The following CSMD1 variants were observed in gnomAD, a reference collection of about 807,000 sequenced individuals.
CSMD1 encodes the protein CUB and sushi domain-containing protein 1.
Under a neutral mutation model 417.5 loss-of-function variants are expected in CSMD1, and 213 were observed. The observed-to-expected ratio is 0.51, with a 90% CI of 0.46 to 0.57. The LOEUF is 0.57. Among genes scored for constraint, CSMD1 ranks in the 20% least tolerant of loss-of-function variants. The pLI, the probability that CSMD1 is intolerant of heterozygous loss-of-function variation, is 0.00. For missense variants in CSMD1, 6,923 were observed against 4,529.7 expected, an observed-to-expected ratio of 1.53 and a Z score of -15.17; for synonymous variants, 2,862 against 1,736.8, an observed-to-expected ratio of 1.65 and a Z score of -16.11.
At chr8:3,907,614 C>A (rs527375418) in intron 5 of CSMD1, among the ~76,000 whole-genome samples, 1 of 152,136 alleles carries the variant, frequency 6.6e-6, no homozygotes, top group Non-Finnish European at 1.5e-5. Flanking sequence ...AAAAACAAGC[C>A]TAAGTTCAGG....
At chr8:4,722,119 T>C (rs1322370389) in intron 1 of CSMD1, among the ~76,000 whole-genome samples, 1 of 152,128 alleles carries the variant, frequency 6.6e-6, no homozygotes, top group Non-Finnish European at 1.5e-5. Context: ...GGTAATAGTG[T>C]TATGTTGTAT....
intron 7 of CSMD1, among the ~76,000 whole-genome samples, chr8:3,645,898 A>G (rs1797548820): frequency 6.6e-6 from 1 of 152,222 alleles, no homozygotes; most frequent in Non-Finnish European, 1.5e-5. Context: ...GAATACTATA[A>G]TTTTCTAAAT....
intron 3 of CSMD1, among the ~76,000 whole-genome samples, chr8:4,310,470 A>C (rs1236898604): frequency 2.0e-5 from 3 of 152,190 alleles, no homozygotes; most frequent in African/African-American, 7.2e-5. Flanking sequence ...AGCATGCGTT[A>C]TCTTTTATCT....
At chr8:4,230,109 T>G (rs1801623250) in intron 3 of CSMD1, among the ~76,000 whole-genome samples, 1 of 152,208 alleles carries the variant, frequency 6.6e-6, no homozygotes, top group Non-Finnish European at 1.5e-5. Context: ...TATAAACCTT[T>G]TTCTAAGATT....
intron 3 of CSMD1, among the ~76,000 whole-genome samples, chr8:4,114,402 C>T (rs1170429027): frequency 6.6e-6 from 1 of 152,164 alleles, no homozygotes; most frequent in Non-Finnish European, 1.5e-5. Context: ...AGATTCCTTT[C>T]AAAATATTAC....
chr8:4,639,619 G>C (rs912213161), intron 1 of CSMD1, among the ~76,000 whole-genome samples: 8 of 152,144 alleles, frequency 5.3e-5, no homozygotes, highest in African/African-American at 1.9e-4. Context: ...AGGGACCTGG[G>C]TGTACTCAGA....
At chr8:4,359,910 T>A (rs1196198858) in intron 3 of CSMD1, among the ~76,000 whole-genome samples, 2 of 152,226 alleles carry the variant, frequency 1.3e-5, no homozygotes, top group African/African-American at 4.8e-5. Context: ...AACCACAGTT[T>A]AAAACATCAA....
At chr8:3,427,919 C>T (rs1332672707) in intron 12 of CSMD1, among the ~76,000 whole-genome samples, 1 of 152,144 alleles carries the variant, frequency 6.6e-6, no homozygotes, top group Admixed American at 6.5e-5. Flanking sequence ...ATTCACAGGG[C>T]TGACAAGCGC....
At chr8:4,374,316 CA>C (rs1367524684) in intron 3 of CSMD1, among the ~76,000 whole-genome samples, 4 of 152,084 alleles carry the variant, frequency 2.6e-5, no homozygotes, top group African/African-American at 9.7e-5. Context: ...AATATAATTA[CA>C]GTACAATGTA....
intron 7 of CSMD1, among the ~76,000 whole-genome samples, chr8:3,639,882 A>G (rs1797222933): frequency 6.6e-6 from 1 of 152,248 alleles, no homozygotes; most frequent in African/African-American, 2.4e-5. Context: ...ATATGTTCAG[A>G]GAATATTTGT....
At chr8:4,225,535 T>A (rs559950707) in intron 3 of CSMD1, among the ~76,000 whole-genome samples, 215 of 151,556 alleles carry the variant, frequency 1.4e-3, no homozygotes, top group Non-Finnish European at 2.0e-3. Context: ...TTTTTGCCTC[T>A]ATTTTTTCTT....
At chr8:3,913,109 T>C (rs940379394) in intron 5 of CSMD1, among the ~76,000 whole-genome samples, 1 of 152,064 alleles carries the variant, frequency 6.6e-6, no homozygotes, top group Non-Finnish European at 1.5e-5. Flanking sequence ...TGTGTTGCAG[T>C]GGTCATGTGG....
chr8:4,869,890 G>A (rs908405675), intron 1 of CSMD1, among the ~76,000 whole-genome samples: 4 of 151,802 alleles, frequency 2.6e-5, no homozygotes, highest in African/African-American at 9.7e-5. Flanking sequence ...AGAAGTTAAT[G>A]TTAGATTTAA....
chr8:4,098,072 G>C (rs1393551481), intron 3 of CSMD1, among the ~76,000 whole-genome samples: 3 of 152,094 alleles, frequency 2.0e-5, no homozygotes, highest in Non-Finnish European at 2.9e-5. Flanking sequence ...TAAAGTTCTT[G>C]TTAAAATAAA....
At chr8:4,824,366 A>C (rs1054174701) in intron 1 of CSMD1, among the ~76,000 whole-genome samples, 3 of 152,120 alleles carry the variant, frequency 2.0e-5, no homozygotes, top group African/African-American at 7.2e-5. Context: ...AATGATATGC[A>C]GAGTTTTAAT....
At chr8:2,994,087 A>C (rs947324200) in intron 54 of CSMD1, among the ~76,000 whole-genome samples, 25 of 137,174 alleles carry the variant, frequency 1.8e-4, no homozygotes, top group Admixed American at 1.7e-3. Flanking sequence ...CGGAAGTTGC[A>C]GTGAGCTGAG....
chr8:4,444,100 G>C (rs965804863), intron 2 of CSMD1, among the ~76,000 whole-genome samples: 2 of 152,002 alleles, frequency 1.3e-5, no homozygotes, highest in Non-Finnish European at 2.9e-5. Context: ...CCAGCACTTT[G>C]GGAGGTCGAG....
intron 3 of CSMD1, among the ~76,000 whole-genome samples, chr8:4,209,354 C>T (rs891241815): frequency 6.6e-6 from 1 of 152,144 alleles, no homozygotes; most frequent in Non-Finnish European, 1.5e-5. Context: ...GAAAGAATTC[C>T]AAAGGACACA....
chr8:4,449,012 G>C (rs980586413), intron 2 of CSMD1, among the ~76,000 whole-genome samples: 1 of 152,222 alleles, frequency 6.6e-6, no homozygotes, highest in South Asian at 2.1e-4. Context: ...TATTACTTGT[G>C]TGCGTTCAGC....
Sources: allele counts gnomAD v4.1 joint callset (sites outside exome capture counted in the v4.1 genomes callset), GRCh38; gene constraint gnomAD v4.1.1; transcripts MANE v1.5; gene names NCBI Gene and HGNC (gene_info 2026-07-23, HGNC 2026-07-21).